The following TBCEL variants were observed in gnomAD, a reference collection of about 807,000 sequenced individuals.
TBCEL encodes the protein tubulin folding cofactor E like.
A neutral mutation model predicts 44.2 loss-of-function variants in TBCEL; 15 were observed. The observed-to-expected ratio is 0.34, with a 90% confidence interval of 0.23 to 0.52. The LOEUF is 0.52. TBCEL is among the 20% of genes least tolerant of loss of function. The pLI is 0.95. For missense variants in TBCEL, 319 were observed against 506.3 expected (o/e 0.63, Z 3.55); for synonymous variants, 171 against 185.4 (o/e 0.92, Z 0.63).
At chr11:121,029,956 A>G (rs1945114805) in intron 1 of TBCEL, among the ~76,000 whole-genome samples, 2 of 152,202 alleles carry the variant, frequency 1.3e-5, no homozygotes, top group Non-Finnish European at 1.5e-5. Flanking sequence ...TGTGGGACCT[A>G]TCTTCTGCTG....
At chr11:121,076,964 A>T (rs1319182889) in intron 8 of TBCEL, among the ~76,000 whole-genome samples, 1 of 152,014 alleles carries the variant, frequency 6.6e-6, no homozygotes, top group African/African-American at 2.4e-5. Flanking sequence ...TATTAATTGC[A>T]CTTTTAACCA....
intron 8 of TBCEL, among the ~76,000 whole-genome samples, chr11:121,082,658 T>C (rs1946147115): frequency 6.6e-6 from 1 of 152,192 alleles, no homozygotes; most frequent in Admixed American, 6.5e-5. Flanking sequence ...CCTGAGGTCG[T>C]GGAAAGCCAT....
At chr11:121,067,197 T>C (rs1007889160) in intron 8 of TBCEL, among the ~76,000 whole-genome samples, 22 of 152,226 alleles carry the variant, frequency 1.4e-4, no homozygotes, top group African/African-American at 5.3e-4. Flanking sequence ...TGTGTGTCAG[T>C]TGGATTATTT....
Position 121,025,297 on chromosome 11 carries a change from T to G in TBCEL, c.-126+1006T>G, listed in dbSNP as rs111894298. 1.5e-3 allele frequency among the ~76,000 whole-genome samples: 229 copies of G among 152,264 alleles called. 1 individual carries two copies. The highest frequency in any genetic ancestry group is 4.8e-3 in the African/African-American group (199 of 41,548). On this transcript the variant is annotated intron_variant, in intron 1 of 8. Transcript: ENST00000683345. ...TGGAGCTCTTACGTTTCCAGTAGTC[T>G]ATCTTGAGCAAAGAGTATGAATAGG...
intron 2 of TBCEL, among the ~76,000 whole-genome samples, chr11:121,044,022 T>C (rs1218893477): frequency 5.9e-5 from 9 of 152,100 alleles, no homozygotes; most frequent in African/African-American, 2.2e-4. Context: ...GTATCACCAG[T>C]CACCTGGTCA....
chr11:121,055,368 A>G, intron 6 of TBCEL, 60 bp downstream of exon 6: 1 of 1,435,706 alleles, frequency 7.0e-7, no homozygotes, highest in African/African-American at 1.4e-5. Flanking sequence ...TGCATGAAAT[A>G]CAATGAAAGT....
At chr11:121,049,032 C>G (rs934994763) in intron 4 of TBCEL, among the ~76,000 whole-genome samples, 1 of 151,920 alleles carries the variant, frequency 6.6e-6, no homozygotes. Flanking sequence ...TGTATAATGA[C>G]TTGCTTACTT....
intron 4 of TBCEL, among the ~76,000 whole-genome samples, chr11:121,051,315 A>AT (rs1945524314): frequency 6.6e-6 from 1 of 151,724 alleles, no homozygotes; most frequent in Non-Finnish European, 1.5e-5. Flanking sequence ...TCTATTTTTT[A>AT]AAGCGTTTTC....
chr11:121,083,186 CA>C (rs1176304266), intron 8 of TBCEL, among the ~76,000 whole-genome samples: 1 of 152,160 alleles, frequency 6.6e-6, no homozygotes, highest in African/African-American at 2.4e-5. Flanking sequence ...AAAATTGTAG[CA>C]ATCTAGGTTA....
At chr11:121,055,601 A>T (rs1945605884) in intron 6 of TBCEL, among the ~76,000 whole-genome samples, 1 of 151,922 alleles carries the variant, frequency 6.6e-6, no homozygotes, top group Non-Finnish European at 1.5e-5. Flanking sequence ...AAGACACAGT[A>T]AAAATAGTAC....
intron 8 of TBCEL, among the ~76,000 whole-genome samples, chr11:121,069,198 T>A (rs1308939634): frequency 2.0e-5 from 3 of 152,178 alleles, no homozygotes; most frequent in Non-Finnish European, 4.4e-5. Context: ...GTAAGCTCTA[T>A]AGGAGTAGGG....
At chr11:121,051,716 T>C (rs1252898354) in intron 4 of TBCEL, among the ~76,000 whole-genome samples, 1 of 151,780 alleles carries the variant, frequency 6.6e-6, no homozygotes, top group Non-Finnish European at 1.5e-5. Flanking sequence ...GCCTAGTATA[T>C]TTTCTCTAAA....
intron 8 of TBCEL, among the ~76,000 whole-genome samples, chr11:121,065,518 T>TA (rs1164746669): frequency 6.6e-6 from 1 of 152,220 alleles, no homozygotes; most frequent in Non-Finnish European, 1.5e-5. Context: ...TTAAGGGACT[T>TA]ATAATTCAGC....
intron 6 of TBCEL, chr11:121,057,361 G>A (rs1427842877): frequency 3.4e-6 from 1 of 291,544 alleles, no homozygotes; most frequent in East Asian, 9.3e-5. Flanking sequence ...AGACCTACCT[G>A]ACTTAGAAGT....
chr11:121,078,377 G>A (rs1487367966), intron 8 of TBCEL, among the ~76,000 whole-genome samples: 1 of 152,022 alleles, frequency 6.6e-6, no homozygotes, highest in African/African-American at 2.4e-5. Context: ...TAATGGTTTT[G>A]CATTTGCCTC....
intron 2 of TBCEL, among the ~76,000 whole-genome samples, chr11:121,038,935 A>G (rs1945282535): frequency 6.6e-6 from 1 of 152,176 alleles, no homozygotes; most frequent in East Asian, 1.9e-4. Context: ...CTCCTAAGGT[A>G]AACAAACTCT....
At chr11:121,066,263 T>C (rs577455228) in intron 8 of TBCEL, among the ~76,000 whole-genome samples, 1 of 152,224 alleles carries the variant, frequency 6.6e-6, no homozygotes, top group Non-Finnish European at 1.5e-5. Context: ...TTCTGTATCT[T>C]GTGAATAATC....
intron 1 of TBCEL, among the ~76,000 whole-genome samples, chr11:121,030,404 A>G (rs1297243512): frequency 6.6e-6 from 1 of 152,210 alleles, no homozygotes; most frequent in Admixed American, 6.5e-5. Context: ...TTAAATTTTG[A>G]AAAGATCACT....
At position 121,078,681 on chromosome 11, in the gene TBCEL, A is replaced by G. The variant is rs142693597; in HGVS notation, c.957-8097A>G. ...TACTTCAAGCAGGGAACCTGTCTGTAGTTCCCCTGCCTCCCATGAAGCACA... is the reference window on the plus strand; with the variant it reads ...TACTTCAAGCAGGGAACCTGTCTGTGGTTCCCCTGCCTCCCATGAAGCACA... On this transcript the variant is annotated intron_variant, in intron 8 of 8. Coordinates refer to ENST00000683345, the MANE Select transcript of TBCEL (RefSeq NM_001363644.2). Among the ~76,000 whole-genome samples the G allele has an allele frequency of 3.5e-3, 539 of 152,248 alleles. 3 individuals are homozygous for G. Among genetic ancestry groups the G allele is most frequent in the African/African-American group, 0.012 (518 of 41,554 alleles).
Sources: allele counts gnomAD v4.1 joint callset (sites outside exome capture counted in the v4.1 genomes callset), GRCh38; gene constraint gnomAD v4.1.1; transcripts MANE v1.5; gene names NCBI Gene and HGNC (gene_info 2026-07-23, HGNC 2026-07-21).